Variants in ATXN7L1 observed in about 807,000 individuals in gnomAD.
ATXN7L1 encodes ataxin 7 like 1, also known as ataxin-7-like protein 1.
In ATXN7L1, 15 loss-of-function variants were observed where a neutral mutation model predicts 70.8. That is an observed-to-expected ratio of 0.21 (90% CI 0.14 to 0.33). The LOEUF (loss-of-function observed/expected upper bound fraction) is 0.33, where lower values mean the gene tolerates loss of function less well. ATXN7L1 is among the 10% of genes least tolerant of loss of function. The pLI, the probability that ATXN7L1 is intolerant of heterozygous loss-of-function variation, is 1.00. For missense variants in ATXN7L1, 975 were observed against 1,097.1 expected, an observed-to-expected ratio of 0.89 and a Z score of 1.57; for synonymous variants, 440 against 445.1, an observed-to-expected ratio of 0.99 and a Z score of 0.14.
chr7:105,617,131 A>G (rs1794030416), intron 9 of ATXN7L1, among the ~76,000 whole-genome samples: 1 of 151,854 alleles, frequency 6.6e-6, no homozygotes, highest in Non-Finnish European at 1.5e-5. Context: ...GGTTCACGCC[A>G]TTCTGCTGCC....
chr7:105,837,451 G>GAA (rs36089046), intron 2 of ATXN7L1, among the ~76,000 whole-genome samples: 171 of 138,266 alleles, frequency 1.2e-3, no homozygotes, highest in Middle Eastern at 3.6e-3. Context: ...GTTAAAATGT[G>GAA]AAAAAAAAAA....
At chr7:105,835,506 G>C (rs1363735539) in intron 2 of ATXN7L1, among the ~76,000 whole-genome samples, 2 of 151,820 alleles carry the variant, frequency 1.3e-5, no homozygotes, top group Non-Finnish European at 2.9e-5. Context: ...GGCCCAAGTT[G>C]GTGGGTTGAC....
chr7:105,613,975 T>C lies in ATXN7L1; in HGVS notation c.2359A>G (p.Ser787Gly). 8 of 1,552,334 alleles carry C rather than the reference T, an allele frequency of 5.2e-6. No individual in the cohort carries two copies. The South Asian group carries it at 9.5e-5, about 18-fold the overall frequency. Residue 787 changes from serine (S) to glycine (G), a missense_variant, in exon 10 of 12, where the codon AGC becomes GGC. Ser to Gly is a moderately conservative substitution (Grantham distance 56, BLOSUM62 0). Around this residue, in one of 5 missense-constraint regions of ATXN7L1, gnomAD observed 635 missense variants for 699.4 expected, o/e 0.91. Coordinates refer to ENST00000419735, the MANE Select transcript of ATXN7L1 (RefSeq NM_020725.2). ...GKKRKNSSSS[S>G]KACKITKMPG... ...ATTTTAGTGATTTTACAGGCTTTGC[T>C]ACTAGAACTCGAGTTCTTACGCTTT...
intron 2 of ATXN7L1, among the ~76,000 whole-genome samples, chr7:105,843,399 T>C (rs1585132941): frequency 6.6e-6 from 1 of 152,200 alleles, no homozygotes; most frequent in East Asian, 1.9e-4. Context: ...AGCCGGGGCA[T>C]TAAGGATAAA....
chr7:105,670,872 C>T (rs1334653563), intron 3 of ATXN7L1, among the ~76,000 whole-genome samples: 6 of 151,862 alleles, frequency 4.0e-5, no homozygotes, highest in Admixed American at 6.6e-5. Flanking sequence ...TTTGGGAGGC[C>T]GAGGCGGATG....
chr7:105,835,845 A>G (rs1047329941), intron 2 of ATXN7L1, among the ~76,000 whole-genome samples: 5 of 152,208 alleles, frequency 3.3e-5, no homozygotes, highest in Non-Finnish European at 1.5e-5. Flanking sequence ...AAATTTTTCT[A>G]AAAAAGAAAC....
chr7:105,794,767 G>A (rs555095796), intron 2 of ATXN7L1, among the ~76,000 whole-genome samples: 2 of 152,292 alleles, frequency 1.3e-5, no homozygotes, highest in South Asian at 4.1e-4. Context: ...GGGTGGGGTG[G>A]GGGATGGGGA....
chr7:105,660,742 C>T (rs1801482551), intron 4 of ATXN7L1, among the ~76,000 whole-genome samples: 1 of 151,944 alleles, frequency 6.6e-6, no homozygotes, highest in Admixed American at 6.6e-5. Flanking sequence ...ACCACCACAC[C>T]CAGCTAATTT....
chr7:105,850,975 C>A (rs1169001785), intron 2 of ATXN7L1, among the ~76,000 whole-genome samples: 2 of 152,150 alleles, frequency 1.3e-5, no homozygotes, highest in Non-Finnish European at 2.9e-5. Flanking sequence ...TTATAACTTA[C>A]CTCTTCACCT....
At chr7:105,816,698 C>G (rs1200141557) in intron 2 of ATXN7L1, among the ~76,000 whole-genome samples, 4 of 152,214 alleles carry the variant, frequency 2.6e-5, no homozygotes, top group Non-Finnish European at 4.4e-5. Context: ...TGTCTCACCT[C>G]CAGCTGGGAG....
At chr7:105,779,259 A>G (rs772172422) in intron 3 of ATXN7L1, among the ~76,000 whole-genome samples, 1 of 152,224 alleles carries the variant, frequency 6.6e-6, no homozygotes, top group Non-Finnish European at 1.5e-5. Context: ...ATATCACCTT[A>G]GGGTGATGGC....
chr7:105,769,762 A>C (rs1193506996), intron 3 of ATXN7L1, among the ~76,000 whole-genome samples: 1 of 152,136 alleles, frequency 6.6e-6, no homozygotes, highest in Non-Finnish European at 1.5e-5. Flanking sequence ...GTAGATCCCT[A>C]GGGATTTATA....
intron 3 of ATXN7L1, among the ~76,000 whole-genome samples, chr7:105,685,044 G>GATGATA (rs1554428764): frequency 2.8e-5 from 4 of 142,690 alleles, no homozygotes; most frequent in Non-Finnish European, 4.6e-5. Flanking sequence ...GAGAAGAGAT[G>GATGATA]ATAATAATAA....
At chr7:105,793,188 G>T (rs1287975558) in intron 2 of ATXN7L1, among the ~76,000 whole-genome samples, 1 of 152,240 alleles carries the variant, frequency 6.6e-6, no homozygotes, top group East Asian at 1.9e-4. Context: ...AGGCTGTCCT[G>T]AGGCTCTGAA....
intron 2 of ATXN7L1, among the ~76,000 whole-genome samples, chr7:105,806,353 C>A (rs921230703): frequency 6.6e-6 from 1 of 152,104 alleles, no homozygotes; most frequent in African/African-American, 2.4e-5. Flanking sequence ...GAGCACCCGT[C>A]CACTCACCAT....
At chr7:105,639,753 C>T (rs867683916) in intron 5 of ATXN7L1, among the ~76,000 whole-genome samples, 184 bp from the exon 6 acceptor site, 1 of 152,154 alleles carries the variant, frequency 6.6e-6, no homozygotes, top group Non-Finnish European at 1.5e-5. Context: ...CAGAACCGCT[C>T]GGGGAAAATG....
intron 3 of ATXN7L1, among the ~76,000 whole-genome samples, chr7:105,737,805 T>A (rs1044075704): frequency 1.3e-5 from 2 of 152,114 alleles, no homozygotes; most frequent in Non-Finnish European, 2.9e-5. Flanking sequence ...TGCTCAAAGC[T>A]CGTAAGCGGG....
chr7:105,607,803 A>C lies in ATXN7L1; in HGVS notation c.*49T>G. Reference sequence around the variant, plus strand: ...CTCCTCCTCCCCATGGCCTCCTCGGATGGGATTAGGTGGCCTGGAATTGAT... The same window carrying C: ...CTCCTCCTCCCCATGGCCTCCTCGGCTGGGATTAGGTGGCCTGGAATTGAT... On this transcript the variant is annotated 3_prime_UTR_variant, in exon 12 of 12. Coordinates refer to ENST00000419735, the MANE Select transcript of ATXN7L1 (RefSeq NM_020725.2). 1 of 1,508,826 alleles carries C rather than the reference A, an allele frequency of 6.6e-7. No homozygotes were observed. Among genetic ancestry groups the C allele is most frequent in the Non-Finnish European group, 9.0e-7 (1 of 1,107,984 alleles). The allele number at this position is 1,508,826 out of a possible 1,614,324, so 93.5% of individuals were successfully genotyped here.
At chr7:105,780,620 C>T (rs938409603) in intron 3 of ATXN7L1, among the ~76,000 whole-genome samples, 4 of 151,596 alleles carry the variant, frequency 2.6e-5, no homozygotes, top group Admixed American at 6.6e-5. Context: ...GGTGTGCAGC[C>T]GTATGGCCTT....
Sources: allele counts gnomAD v4.1 joint callset (sites outside exome capture counted in the v4.1 genomes callset), GRCh38; gene constraint gnomAD v4.1.1; regional missense constraint gnomAD v4.1.1; transcripts MANE v1.5; gene names NCBI Gene and HGNC (gene_info 2026-07-23, HGNC 2026-07-21).